Variants in OR11G2 observed in about 807,000 individuals in gnomAD.
OR11G2 encodes olfactory receptor 11G2.
OR11G2 carries 2 observed loss-of-function variants against 0.9 expected under a neutral mutation model. The observed-to-expected ratio is 2.35, with a 90% CI of 0.96 to 7.38. The LOEUF (loss-of-function observed/expected upper bound fraction) is 7.38. Among genes scored for constraint, OR11G2 ranks in the 30% most tolerant of loss-of-function variants. The pLI, the probability that OR11G2 is intolerant of heterozygous loss-of-function variation, is 0.05. For synonymous variants in OR11G2, 153 were observed against 142.0 expected (o/e 1.08, Z -0.55); for missense variants, 395 against 371.3 (o/e 1.06, Z -0.52).
chr14:20,192,712 T>C (rs1879677531), intron 1 of OR11G2, among the ~76,000 whole-genome samples: 2 of 152,250 alleles, frequency 1.3e-5, no homozygotes, highest in South Asian at 2.1e-4. Flanking sequence ...TGTCTATCTA[T>C]ATCCTCTATA....
chr14:20,197,339 C>T (rs1355544207), intron 1 of OR11G2, 95 bp from the exon 2 acceptor site: 1 of 1,483,886 alleles, frequency 6.7e-7, no homozygotes, highest in East Asian at 2.3e-5. Flanking sequence ...TAAATTTATG[C>T]ATTTTCTTTC....
In OR11G2 at chr14:20,198,466, CG is replaced by C; in HGVS notation, c.*94del. ...GGTCTTGGCCAGGCGCGGTGGCTTA[CG>C]CCTGTAATCCCAGCACTTTGGGAGC... On this transcript the variant is annotated 3_prime_UTR_variant, in exon 2 of 2. Transcript: ENST00000641879. 1.2e-6 allele frequency: 1 copy of C among 841,866 alleles called. No homozygotes were observed. The highest frequency in any genetic ancestry group is 2.5e-5 in the East Asian group (1 of 40,286). 52.1% of individuals were successfully genotyped at this position (841,866 alleles called of 1,614,324 possible).
rs1879877620 is a variant in OR11G2 at position 20,200,336 on chromosome 14, A to T, written c.*1963A>T. On this transcript the variant is annotated 3_prime_UTR_variant, in exon 2 of 2. Coordinates refer to ENST00000641879, the MANE Select transcript of OR11G2 (RefSeq NM_001386033.1). Reference sequence around the variant, plus strand: ...CTGTAAAATAGTAAGAGAACAGAACAGTATCCCAGTAAGAAAATGAGCAAA... The same window carrying T: ...CTGTAAAATAGTAAGAGAACAGAACTGTATCCCAGTAAGAAAATGAGCAAA... 6.6e-6 allele frequency: 1 copy of T among 152,212 alleles called. No individual in the cohort carries two copies. The highest frequency in any genetic ancestry group is 2.4e-5 in the African/African-American group (1 of 41,458). 9.4% of individuals were successfully genotyped at this position (152,212 alleles called of 1,614,324 possible).
In OR11G2 at chr14:20,198,741, A is replaced by G. The variant is rs966022172; in HGVS notation, c.*368A>G. The G allele has an allele frequency of 6.4e-6, 1 of 155,882 alleles. No homozygotes were observed. The highest frequency in any genetic ancestry group is 1.9e-4 in the East Asian group (1 of 5,268). 9.7% of individuals were successfully genotyped at this position (155,882 alleles called of 1,614,324 possible). ...GAGACTCTGTCTCAGGAAAAAAAAA[A>G]AAAAAAAACTGGTCTTATACAGTTA... On this transcript the variant is annotated 3_prime_UTR_variant, in exon 2 of 2. Coordinates refer to ENST00000641879, the MANE Select transcript of OR11G2 (RefSeq NM_001386033.1).
intron 1 of OR11G2, among the ~76,000 whole-genome samples, chr14:20,192,191 C>T (rs757466448): frequency 6.6e-6 from 1 of 152,090 alleles, no homozygotes; most frequent in Non-Finnish European, 1.5e-5. Context: ...CAAGCCCAGC[C>T]CCCAAATGGC....
At position 20,199,553 on chromosome 14, in the gene OR11G2, G is replaced by A. The variant is rs1879858903; in HGVS notation, c.*1180G>A. 1 of 152,234 alleles carries A rather than the reference G, an allele frequency of 6.6e-6. No individual in the cohort carries two copies. The highest frequency in any genetic ancestry group is 1.5e-5 in the Non-Finnish European group (1 of 68,044). The allele number at this position is 152,234 out of a possible 1,614,324, so 9.4% of individuals were successfully genotyped here. A position where few individuals can be genotyped will look rare whatever the true frequency, so the allele number is the denominator to read the frequency against. On this transcript the variant is annotated 3_prime_UTR_variant, in exon 2 of 2. Coordinates refer to ENST00000641879, the MANE Select transcript of OR11G2 (RefSeq NM_001386033.1). ...CTGTAGCCCATGAAGGCTTGCCTATGTCAGTTGCTCTGAGTGCCTTCAAAT... is the reference window on the plus strand; with the variant it reads ...CTGTAGCCCATGAAGGCTTGCCTATATCAGTTGCTCTGAGTGCCTTCAAAT...
At chr14:20,193,885 C>T (rs1011525769) in intron 1 of OR11G2, among the ~76,000 whole-genome samples, 5 of 152,194 alleles carry the variant, frequency 3.3e-5, no homozygotes, top group Admixed American at 1.3e-4. Flanking sequence ...GTAGTCCAAA[C>T]GTGCACACCC....
Position 20,198,511 on chromosome 14 carries a change from G to A in OR11G2, c.*138G>A, listed in dbSNP as rs1879830287. The A allele has an allele frequency of 4.9e-6, 3 of 607,912 alleles. No individual in the cohort carries two copies. Among genetic ancestry groups the A allele is most frequent in the South Asian group, 2.1e-5 (1 of 48,430 alleles). The allele number at this position is 607,912 out of a possible 1,614,324, so 37.7% of individuals were successfully genotyped here. On this transcript the variant is annotated 3_prime_UTR_variant, in exon 2 of 2. Coordinates refer to ENST00000641879, the MANE Select transcript of OR11G2 (RefSeq NM_001386033.1). ...TGGGAGCCCGAGGCGGGTGGATCAC[G>A]AGGTCAGGAGATCAAGACCACCCTG...
rs1212288061 is a variant in OR11G2 at position 20,199,552 on chromosome 14, T to G, written c.*1179T>G. The G allele has an allele frequency of 6.6e-6, 1 of 152,272 alleles. No individual in the cohort carries two copies. The highest frequency in any genetic ancestry group is 2.4e-5 in the African/African-American group (1 of 41,478). The allele number at this position is 152,272 out of a possible 1,614,324, so 9.4% of individuals were successfully genotyped here. A position where few individuals can be genotyped will look rare whatever the true frequency, so the allele number is the denominator to read the frequency against. ...ACTGTAGCCCATGAAGGCTTGCCTA[T>G]GTCAGTTGCTCTGAGTGCCTTCAAA... On this transcript the variant is annotated 3_prime_UTR_variant, in exon 2 of 2. Transcript: ENST00000641879.
intron 1 of OR11G2, among the ~76,000 whole-genome samples, chr14:20,193,874 T>TA (rs1879701968): frequency 6.6e-6 from 1 of 152,218 alleles, no homozygotes. Context: ...CTAGTGTGTG[T>TA]GTAGTCCAAA....
rs1313332708 is a variant in OR11G2 at position 20,199,234 on chromosome 14, G to C, written c.*861G>C. ...GCTTTTGTTTCTGCTAGCTATTTTGGGGTCTCACCGTGTACACACAGCTTA... is the reference window on the plus strand; with the variant it reads ...GCTTTTGTTTCTGCTAGCTATTTTGCGGTCTCACCGTGTACACACAGCTTA... On this transcript the variant is annotated 3_prime_UTR_variant, in exon 2 of 2. Coordinates refer to ENST00000641879, the MANE Select transcript of OR11G2 (RefSeq NM_001386033.1). 2.0e-5 allele frequency: 3 copies of C among 152,148 alleles called. No individual in the cohort carries two copies. The highest frequency in any genetic ancestry group is 4.4e-5 in the Non-Finnish European group (3 of 68,044). 9.4% of individuals were successfully genotyped at this position (152,148 alleles called of 1,614,324 possible).
rs749424507 is a variant in OR11G2 at position 20,197,646 on chromosome 14, T to A, written c.209T>A (p.Phe70Tyr). ...CCCATGTACATCCTGCTCGCCAACT[T>A]CTCCTTCTTGGAGATATGTTATGTC... The part of the protein sequence containing the change: ...HAPMYILLAN[F>Y]SFLEICYVTS... The change falls in exon 2 of 2, where the codon TTC (phenylalanine) becomes TAC (tyrosine). Residue 70 changes from phenylalanine (F) to tyrosine (Y), a missense_variant. Coordinates refer to ENST00000641879, the MANE Select transcript of OR11G2 (RefSeq NM_001386033.1). 10 of 1,614,018 alleles carry A rather than the reference T, an allele frequency of 6.2e-6. No individual in the cohort carries two copies. The highest frequency in any genetic ancestry group is 4.5e-5 in the East Asian group (2 of 44,874).
Position 20,201,035 on chromosome 14 carries a change from A to T in OR11G2, c.*2662A>T, listed in dbSNP as rs2139118746. On this transcript the variant is annotated 3_prime_UTR_variant, in exon 2 of 2. Transcript: ENST00000641879. The stretch of plus-strand genomic sequence containing the variant: ...ATAGTAAAGGAGACTTTTTTTTCAT[A>T]ACTCCTTTTGTGCGTTCAAATTCTT... 1 of 152,198 alleles carries T rather than the reference A, an allele frequency of 6.6e-6. No homozygotes were observed. The highest frequency in any genetic ancestry group is 1.5e-5 in the Non-Finnish European group (1 of 68,002). The allele number at this position is 152,198 out of a possible 1,614,324, so 9.4% of individuals were successfully genotyped here.
chr14:20,197,564 C>T lies in OR11G2; in HGVS notation c.127C>T (p.Leu43Phe), dbSNP rs369399690. The T allele has an allele frequency of 4.3e-6, 7 of 1,614,052 alleles. No homozygotes were observed. Among genetic ancestry groups the T allele is most frequent in the Non-Finnish European group, 5.1e-6 (6 of 1,180,030 alleles). ...VLFTVVYLLT[L>F]MGNGSIICAV... Reference sequence around the variant, plus strand: ...CTTCACTGTTGTTTACCTCCTGACCCTCATGGGCAATGGTTCCATCATCTG... The same window carrying T: ...CTTCACTGTTGTTTACCTCCTGACCTTCATGGGCAATGGTTCCATCATCTG... Residue 43 changes from leucine to phenylalanine, a missense_variant, in exon 2 of 2, where the codon CTC becomes TTC. By Grantham distance (22) the Leu-to-Phe change is conservative. Transcript: ENST00000641879.
Position 20,197,627 on chromosome 14 carries a change from T to A in OR11G2, c.190T>A (p.Tyr64Asn), listed in dbSNP as rs2139113256. 6.2e-7 allele frequency: 1 copy of A among 1,614,180 alleles called. No homozygotes were observed. The highest frequency in any genetic ancestry group is 1.1e-5 in the South Asian group (1 of 91,086). ...HWDQRLHAPMYILLANFSFLE... is the reference protein window; with the variant it reads ...HWDQRLHAPMNILLANFSFLE... ...GGATCAGAGACTCCACGCCCCCATG[T>A]ACATCCTGCTCGCCAACTTCTCCTT... The change falls in exon 2 of 2, where the codon TAC becomes AAC. Residue 64 changes from tyrosine to asparagine, a missense_variant. Transcript: ENST00000641879.
intron 1 of OR11G2, among the ~76,000 whole-genome samples, chr14:20,196,744 C>T (rs1879759575): frequency 6.6e-6 from 1 of 152,204 alleles, no homozygotes; most frequent in South Asian, 2.1e-4. Flanking sequence ...CGTGTTTCAG[C>T]ATGGCCAGTT....
Position 20,198,538 on chromosome 14 carries a change from C to T in OR11G2, c.*165C>T, listed in dbSNP as rs889142942. On this transcript the variant is annotated 3_prime_UTR_variant, in exon 2 of 2. Coordinates refer to ENST00000641879, the MANE Select transcript of OR11G2 (RefSeq NM_001386033.1). ...GGTCAGGAGATCAAGACCACCCTGG[C>T]TAACACGGTGAAACCCTGTCTCTAC... The T allele has an allele frequency of 2.5e-5, 13 of 516,180 alleles. No homozygotes were observed. Among genetic ancestry groups the T allele is most frequent in the African/African-American group, 3.8e-5 (2 of 52,188 alleles). The allele number at this position is 516,180 out of a possible 1,614,324, so 32.0% of individuals were successfully genotyped here.
intron 1 of OR11G2, among the ~76,000 whole-genome samples, chr14:20,194,709 C>T (rs1879717873): frequency 6.6e-6 from 1 of 152,144 alleles, no homozygotes; most frequent in Non-Finnish European, 1.5e-5. Context: ...ACATGAAGGA[C>T]CTTCACACAT....
Position 20,199,092 on chromosome 14 carries a change from G to C in OR11G2, c.*719G>C, listed in dbSNP as rs1212926561. On this transcript the variant is annotated 3_prime_UTR_variant, in exon 2 of 2. Transcript: ENST00000641879. ...GGAACATAGCCTTTCTGAGACCTCA[G>C]GGACAAATCTGGACTGTTTAGAAGG... The C allele has an allele frequency of 6.6e-6, 1 of 152,158 alleles. No homozygotes were observed. The highest frequency in any genetic ancestry group is 1.5e-5 in the Non-Finnish European group (1 of 68,046). The allele number at this position is 152,158 out of a possible 1,614,324, so 9.4% of individuals were successfully genotyped here.
Sources: gnomAD v4.1 joint callset for allele counts (sites outside exome capture counted in the v4.1 genomes callset) on GRCh38, gnomAD v4.1.1 for gene constraint, MANE v1.5 for transcripts, NCBI Gene and HGNC (gene_info 2026-07-23, HGNC 2026-07-21) for gene names.